Variants in CBLB observed in about 807,000 individuals in gnomAD.
CBLB encodes the protein Cbl proto-oncogene B.
CBLB carries 31 observed loss-of-function variants against 104.9 expected under a neutral mutation model. The ratio of observed to expected loss-of-function variants is 0.30; its 90% CI spans 0.22 to 0.40. The LOEUF (loss-of-function observed/expected upper bound fraction) is 0.40, where lower values mean the gene tolerates loss of function less well. Ranked by LOEUF, CBLB falls within the 10% of genes least tolerant of loss-of-function variation. The pLI, the probability that CBLB is intolerant of heterozygous loss-of-function variation, is 1.00. For synonymous variants in CBLB, 440 were observed against 422.6 expected, an observed-to-expected ratio of 1.04 and a Z score of -0.51; for missense variants, 1,062 against 1,214.6, an observed-to-expected ratio of 0.87 and a Z score of 1.87.
chr3:105,760,570 A>G (rs1397604714), intron 4 of CBLB, among the ~76,000 whole-genome samples: 4 of 152,130 alleles, frequency 2.6e-5, no homozygotes, highest in Admixed American at 2.6e-4. Context: ...AGGTTTAAGT[A>G]AGGCTTTAAA....
At chr3:105,755,488 A>G (rs575523041) in intron 4 of CBLB, among the ~76,000 whole-genome samples, 1 of 123,350 alleles carries the variant, frequency 8.1e-6, no homozygotes, top group South Asian at 3.0e-4. Context: ...AGAAAGTGTG[A>G]GGAGAATGAT....
chr3:105,662,192 C>T (rs74381658), intron 18 of CBLB, among the ~76,000 whole-genome samples: 7,687 of 152,248 alleles, frequency 0.05, 285 homozygotes, highest in Admixed American at 0.092. Flanking sequence ...AGCCCAGACG[C>T]AGCCTTCACT....
chr3:105,683,575 C>T (rs1184914506), intron 14 of CBLB, among the ~76,000 whole-genome samples: 2 of 151,960 alleles, frequency 1.3e-5, no homozygotes, highest in Non-Finnish European at 2.9e-5. Context: ...AAATAAGACT[C>T]CCAAAGAGAC....
intron 13 of CBLB, among the ~76,000 whole-genome samples, chr3:105,693,163 T>C (rs192545630): frequency 1.3e-5 from 2 of 152,098 alleles, no homozygotes; most frequent in Admixed American, 6.6e-5. Flanking sequence ...GAAGCTGAGA[T>C]AAAATGGGAT....
At chr3:105,734,167 T>A (rs756047909) in intron 8 of CBLB, 27 bp from the exon 9 acceptor site, 1 of 1,610,200 alleles carries the variant, frequency 6.2e-7, no homozygotes, top group Non-Finnish European at 8.5e-7. Context: ...AGGGAGAAAG[T>A]AATGTTAATG....
At chr3:105,798,267 C>T (rs907183105) in intron 3 of CBLB, among the ~76,000 whole-genome samples, 11 of 151,852 alleles carry the variant, frequency 7.2e-5, no homozygotes, top group Non-Finnish European at 1.6e-4. Flanking sequence ...TCACTTCTGC[C>T]CATTTGAATG....
At chr3:105,768,145 T>C (rs1305436490) in intron 4 of CBLB, among the ~76,000 whole-genome samples, 2 of 152,206 alleles carry the variant, frequency 1.3e-5, no homozygotes, top group African/African-American at 4.8e-5. Flanking sequence ...TAGGGGGAAG[T>C]ATGACAACTA....
At chr3:105,845,786 A>G (rs1363271195) in intron 3 of CBLB, among the ~76,000 whole-genome samples, 4 of 152,126 alleles carry the variant, frequency 2.6e-5, no homozygotes, top group Non-Finnish European at 5.9e-5. Context: ...GGTGTGTTAA[A>G]GAAATGAGCC....
chr3:105,765,512 C>A (rs1361420459), intron 4 of CBLB, among the ~76,000 whole-genome samples: 2 of 152,004 alleles, frequency 1.3e-5, no homozygotes, highest in Non-Finnish European at 2.9e-5. Context: ...AATTTCTGTT[C>A]TTTATTTAAA....
At chr3:105,850,872 G>A (rs960119155) in intron 3 of CBLB, among the ~76,000 whole-genome samples, 1 of 152,164 alleles carries the variant, frequency 6.6e-6, no homozygotes, top group Non-Finnish European at 1.5e-5. Flanking sequence ...TGGTGTGGAT[G>A]TGGAGCACCA....
At chr3:105,712,248 G>A (rs143610845) in intron 10 of CBLB, among the ~76,000 whole-genome samples, 60 of 152,148 alleles carry the variant, frequency 3.9e-4, no homozygotes, top group African/African-American at 1.3e-3. Context: ...ATATATGTGT[G>A]ATTTTAATTT....
At chr3:105,837,142 C>A (rs747747081) in intron 3 of CBLB, among the ~76,000 whole-genome samples, 30 of 152,290 alleles carry the variant, frequency 2.0e-4, no homozygotes, top group Non-Finnish European at 3.8e-4. Context: ...TTAAGGAATT[C>A]CGTCAACAAG....
chr3:105,685,330 G>GT lies in CBLB; in HGVS notation c.2190dup (p.Pro731ThrfsTer7). 1 of 1,613,814 alleles carries GT rather than the reference G, an allele frequency of 6.2e-7. No homozygotes were observed. Among genetic ancestry groups the GT allele is most frequent in the Admixed American group, 1.7e-5 (1 of 60,024 alleles). ...TGCCCATACTCTTACCGAACAGGAG[G>GT]TTTTACATTATGACAATGAGATGGT... On this transcript the variant is annotated frameshift_variant, in exon 14 of 19. Coordinates refer to ENST00000394030, the MANE Select transcript of CBLB (RefSeq NM_170662.5). LOFTEE classifies it high-confidence loss of function.
rs561697080 is a variant in CBLB at position 105,740,420 on chromosome 3, C to T, written c.983+74G>A. ...AAAAAGCAGCCTTGCTATCCATTTT[C>T]GCCATCACAAAGCAATCTTTATTTT... On this transcript the variant is annotated intron_variant, in intron 7 of 18. Coordinates refer to ENST00000394030, the MANE Select transcript of CBLB (RefSeq NM_170662.5). 2.3e-5 allele frequency: 35 copies of T among 1,493,656 alleles called. No homozygotes were observed. In the South Asian group the frequency reaches 2.7e-4, roughly 12 times the overall value. The allele number at this position is 1,493,656 out of a possible 1,614,324, so 92.5% of individuals were successfully genotyped here.
intron 5 of CBLB, among the ~76,000 whole-genome samples, chr3:105,749,370 T>C (rs1424585411): frequency 6.6e-6 from 1 of 152,216 alleles, no homozygotes; most frequent in African/African-American, 2.4e-5. Flanking sequence ...GACTTAAAAA[T>C]AGCCCTTTCT....
intron 14 of CBLB, among the ~76,000 whole-genome samples, chr3:105,682,384 A>G (rs1465765853): frequency 6.6e-6 from 1 of 152,196 alleles, no homozygotes; most frequent in Non-Finnish European, 1.5e-5. Context: ...TGCCAAGAAC[A>G]AAATTCTGGC....
At chr3:105,701,730 T>C (rs1197684074) in intron 12 of CBLB, among the ~76,000 whole-genome samples, 4 of 147,898 alleles carry the variant, frequency 2.7e-5, no homozygotes, top group African/African-American at 1.0e-4. Context: ...GCCACTGCAC[T>C]CCAGCCTGGG....
In CBLB at chr3:105,726,705, C is replaced by T. The variant is rs906061840; in HGVS notation, c.1204-6455G>A. Among the ~76,000 whole-genome samples the T allele has an allele frequency of 3.3e-5, 5 of 152,180 alleles. No individual in the cohort carries two copies. The East Asian group carries it at 9.7e-4, about 29-fold the overall frequency. Reference sequence around the variant, plus strand: ...TCTCCTAAAGCTATCCCTCCCCTTGCCCCCCAGCCGCTGACAGACCCTGGT... The same window carrying T: ...TCTCCTAAAGCTATCCCTCCCCTTGTCCCCCAGCCGCTGACAGACCCTGGT... On this transcript the variant is annotated intron_variant, in intron 9 of 18. Transcript: ENST00000394030.
intron 3 of CBLB, among the ~76,000 whole-genome samples, chr3:105,838,314 C>T (rs1450878687): frequency 7.7e-6 from 1 of 129,480 alleles, no homozygotes; most frequent in African/African-American, 2.9e-5. Flanking sequence ...AGGCTCCTAA[C>T]ACCATTTTAA....
Sources: gnomAD v4.1 joint callset for allele counts (sites outside exome capture counted in the v4.1 genomes callset) on GRCh38, gnomAD v4.1.1 for gene constraint, MANE v1.5 for transcripts, NCBI Gene and HGNC (gene_info 2026-07-23, HGNC 2026-07-21) for gene names.